The following CSMD1 variants were observed in gnomAD, a reference collection of about 807,000 sequenced individuals.
CSMD1 encodes CUB and Sushi multiple domains 1.
A neutral mutation model predicts 417.5 loss-of-function variants in CSMD1; 213 were observed. That is an observed-to-expected ratio of 0.51 (90% CI 0.46 to 0.57). CSMD1 has a LOEUF of 0.57. Among genes scored for constraint, CSMD1 ranks in the 20% least tolerant of loss-of-function variants. The pLI is 0.00. For missense variants in CSMD1, 6,923 were observed against 4,529.7 expected, an observed-to-expected ratio of 1.53 and a Z score of -15.17; for synonymous variants, 2,862 against 1,736.8, an observed-to-expected ratio of 1.65 and a Z score of -16.11.
chr8:4,929,838 C>A (rs1807126997), intron 1 of CSMD1, among the ~76,000 whole-genome samples: 1 of 152,092 alleles, frequency 6.6e-6, no homozygotes. Flanking sequence ...CAAAAACATC[C>A]CCATTGGCAA....
intron 8 of CSMD1, among the ~76,000 whole-genome samples, chr8:3,589,708 C>A (rs530696542): frequency 6.6e-6 from 1 of 152,204 alleles, no homozygotes; most frequent in South Asian, 2.1e-4. Context: ...TAGTTAATAA[C>A]AGCATATTGT....
At chr8:3,355,958 G>C (rs1457583978) in intron 21 of CSMD1, among the ~76,000 whole-genome samples, 1 of 152,020 alleles carries the variant, frequency 6.6e-6, no homozygotes, top group Admixed American at 6.6e-5. Context: ...CATCCTAAAT[G>C]CATCATCAGG....
At chr8:4,166,912 A>C (rs1178989485) in intron 3 of CSMD1, among the ~76,000 whole-genome samples, 2 of 152,192 alleles carry the variant, frequency 1.3e-5, no homozygotes, top group Non-Finnish European at 2.9e-5. Context: ...CCTCATTTTG[A>C]ATGCTCAGCA....
chr8:2,976,882 A>T (rs1804973769), intron 55 of CSMD1, among the ~76,000 whole-genome samples: 1 of 152,006 alleles, frequency 6.6e-6, no homozygotes, highest in Non-Finnish European at 1.5e-5. Context: ...TATTCTTGCT[A>T]ATCTTCATGG....
intron 4 of CSMD1, among the ~76,000 whole-genome samples, chr8:4,031,647 T>A: frequency 6.6e-6 from 1 of 150,980 alleles, no homozygotes; most frequent in Non-Finnish European, 1.5e-5. Flanking sequence ...TCGTATAACA[T>A]GTAATATTAT....
chr8:3,270,144 G>A (rs1368105349), intron 26 of CSMD1, among the ~76,000 whole-genome samples: 1 of 148,462 alleles, frequency 6.7e-6, no homozygotes, highest in Non-Finnish European at 1.5e-5. Context: ...CTGCCTCCCG[G>A]GTTCAAGCGA....
chr8:3,539,579 C>T (rs138316354), intron 10 of CSMD1, among the ~76,000 whole-genome samples: 33 of 152,236 alleles, frequency 2.2e-4, no homozygotes, highest in Non-Finnish European at 3.8e-4. Flanking sequence ...TGTAACACTT[C>T]GCCAAGAATT....
intron 10 of CSMD1, among the ~76,000 whole-genome samples, chr8:3,513,942 G>A (rs1797182734): frequency 6.6e-6 from 1 of 152,230 alleles, no homozygotes; most frequent in African/African-American, 2.4e-5. Context: ...CATTAGAAGT[G>A]AGAGTAGGTA....
chr8:4,464,560 C>A lies in CSMD1; in HGVS notation c.303-44495G>T, dbSNP rs73660871. 6.3e-3 allele frequency among the ~76,000 whole-genome samples: 957 copies of A among 152,134 alleles called. 5 individuals carry two copies. The highest frequency in any genetic ancestry group is 0.023 in the African/African-American group (941 of 41,510). On this transcript the variant is annotated intron_variant, in intron 2 of 69. Transcript: ENST00000635120. Reference sequence around the variant, plus strand: ...AACTAAAAGTGAAAAGCAGAATGGTCGTATGGGTACTCAACGGGTGGTTTC... The same window carrying A: ...AACTAAAAGTGAAAAGCAGAATGGTAGTATGGGTACTCAACGGGTGGTTTC...
chr8:4,030,943 G>C (rs908554876), intron 4 of CSMD1, among the ~76,000 whole-genome samples: 3 of 152,086 alleles, frequency 2.0e-5, no homozygotes, highest in East Asian at 1.9e-4. Context: ...CAGTCTTTTT[G>C]CTAAAACGTA....
At chr8:4,545,987 C>A (rs901591216) in intron 2 of CSMD1, among the ~76,000 whole-genome samples, 1 of 152,018 alleles carries the variant, frequency 6.6e-6, no homozygotes, top group Admixed American at 6.5e-5. Flanking sequence ...TTCTTATGAC[C>A]CCCTTCTACT....
At chr8:4,788,784 A>G (rs1434085386) in intron 1 of CSMD1, among the ~76,000 whole-genome samples, 2 of 152,208 alleles carry the variant, frequency 1.3e-5, no homozygotes, top group East Asian at 3.8e-4. Context: ...GGAAACTATC[A>G]TGCTTAACTT....
intron 3 of CSMD1, among the ~76,000 whole-genome samples, chr8:4,288,585 C>G (rs535062484): frequency 3.3e-5 from 5 of 152,190 alleles, no homozygotes; most frequent in Admixed American, 2.6e-4. Context: ...TTCAGCTCTA[C>G]GCATGCAGCT....
intron 65 of CSMD1, among the ~76,000 whole-genome samples, chr8:2,952,952 G>T (rs1037067434): frequency 1.3e-5 from 2 of 152,262 alleles, no homozygotes; most frequent in Admixed American, 6.5e-5. Context: ...ACATAGCTGA[G>T]CTGTACTAGA....
intron 8 of CSMD1, among the ~76,000 whole-genome samples, chr8:3,593,405 G>C (rs566677905): frequency 6.6e-6 from 1 of 152,342 alleles, no homozygotes; most frequent in East Asian, 1.9e-4. Context: ...GCCTCCCCCA[G>C]GTCCACCTGC....
intron 5 of CSMD1, among the ~76,000 whole-genome samples, chr8:3,945,746 C>G (rs551560818): frequency 3.3e-5 from 5 of 152,004 alleles, no homozygotes; most frequent in African/African-American, 9.6e-5. Context: ...GATAGAAAAC[C>G]AAGAAATGGG....
intron 4 of CSMD1, among the ~76,000 whole-genome samples, chr8:4,000,103 C>A (rs765671696): frequency 6.6e-6 from 1 of 152,234 alleles, no homozygotes; most frequent in African/African-American, 2.4e-5. Flanking sequence ...CTGTCCTGCC[C>A]CCCGCCCTCC....
At chr8:4,542,748 G>A (rs988002339) in intron 2 of CSMD1, among the ~76,000 whole-genome samples, 64 of 152,120 alleles carry the variant, frequency 4.2e-4, no homozygotes, top group African/African-American at 1.5e-3. Context: ...AAAAAAATAA[G>A]TGAAAGTACA....
chr8:4,308,034 G>A lies in CSMD1; in HGVS notation c.415+111919C>T, dbSNP rs145722799. ...GATGGTGGGCATACTACAGAGCAAC[G>A]CCAGACATGGATCTGACTTTCAGCC... On this transcript the variant is annotated intron_variant, in intron 3 of 69. Transcript: ENST00000635120. Among the ~76,000 whole-genome samples the A allele has an allele frequency of 6.4e-4, 98 of 152,278 alleles. 1 individual carries two copies. Among genetic ancestry groups the A allele is most frequent in the African/African-American group, 2.0e-3 (83 of 41,560 alleles).
Sources: gnomAD v4.1 joint callset for allele counts (sites outside exome capture counted in the v4.1 genomes callset) on GRCh38, gnomAD v4.1.1 for gene constraint, MANE v1.5 for transcripts, NCBI Gene and HGNC (gene_info 2026-07-23, HGNC 2026-07-21) for gene names.